Variants in NSD1 observed in about 807,000 individuals in gnomAD.
NSD1 encodes histone-lysine N-methyltransferase, H3 lysine-36 specific.
In NSD1, 26 loss-of-function variants were observed where a neutral mutation model predicts 242.7. That is an observed-to-expected ratio of 0.11 (90% CI 0.08 to 0.15). NSD1 has a LOEUF of 0.15. Among genes scored for constraint, NSD1 ranks in the 10% least tolerant of loss-of-function variants. The probability of loss-of-function intolerance (pLI) is 1.00; values close to 1 mark genes in which losing one functional copy is unlikely to be tolerated. For missense variants in NSD1, 2,495 were observed against 3,272.8 expected, an observed-to-expected ratio of 0.76 and a Z score of 5.80; for synonymous variants, 1,106 against 1,178.1, an observed-to-expected ratio of 0.94 and a Z score of 1.25.
Position 177,238,431 on chromosome 5 carries a change from C to G in NSD1, c.4116C>G (p.Thr1372=). 6.2e-7 allele frequency: 1 copy of G among 1,614,106 alleles called. No individual in the cohort carries two copies. Among genetic ancestry groups the G allele is most frequent in the Non-Finnish European group, 8.5e-7 (1 of 1,180,024 alleles). Residue 1372 remains threonine (T), a synonymous_variant, in exon 7 of 23, where the codon ACC becomes ACG. Transcript: ENST00000439151. The surrounding 1 kb of genome is among the most constrained non-coding windows in gnomAD (Gnocchi z 4.6). The part of the protein sequence containing the change: ...GGGHAELPQL[T]LSVPVAPEVS... ...GACATGCTGAGTTGCCGCAGCTGAC[C>G]TTGTCTGTGCCTGTGGCTCCGGAAG...
chr5:177,174,719 C>T (rs774962332), intron 2 of NSD1, among the ~76,000 whole-genome samples: 11 of 149,376 alleles, frequency 7.4e-5, no homozygotes, highest in South Asian at 2.1e-4. Context: ...CTACAACGCC[C>T]GGCTAATTTT....
chr5:177,203,066 A>T (rs1292023664), intron 3 of NSD1, among the ~76,000 whole-genome samples: 1 of 152,094 alleles, frequency 6.6e-6, no homozygotes, highest in Non-Finnish European at 1.5e-5. Flanking sequence ...GGCATTCCAT[A>T]ATTCTTCCAA....
intron 12 of NSD1, among the ~76,000 whole-genome samples, chr5:177,255,857 C>T (rs1460449322): frequency 1.3e-5 from 2 of 152,106 alleles, no homozygotes; most frequent in Non-Finnish European, 2.9e-5. Context: ...GTGCTGAGTA[C>T]ATTGCTTCTG....
At chr5:177,289,058 G>A in intron 21 of NSD1, 133 bp downstream of exon 21, 1 of 724,958 alleles carries the variant, frequency 1.4e-6, no homozygotes, top group Non-Finnish European at 2.4e-6. Flanking sequence ...GGTGGCTCAT[G>A]CCTGTAATCC....
chr5:177,242,218 G>A (rs1765927108), intron 8 of NSD1, among the ~76,000 whole-genome samples: 1 of 151,354 alleles, frequency 6.6e-6, no homozygotes, highest in Non-Finnish European at 1.5e-5. Flanking sequence ...CACAGCTTTT[G>A]GGTAACTGTT....
At chr5:177,262,451 CAAAA>C (rs1562272143) in intron 14 of NSD1, among the ~76,000 whole-genome samples, 1 of 151,872 alleles carries the variant, frequency 6.6e-6, no homozygotes, top group African/African-American at 2.4e-5. Context: ...CAAAACAAAA[CAAAA>C]AACAACCAAA....
intron 16 of NSD1, among the ~76,000 whole-genome samples, chr5:177,270,776 G>T (rs1757885105): frequency 6.6e-6 from 1 of 152,204 alleles, no homozygotes; most frequent in African/African-American, 2.4e-5. Flanking sequence ...TGGGAGTAAT[G>T]TCGATAGGGA....
At chr5:177,252,694 A>G (rs6898107) in intron 12 of NSD1, among the ~76,000 whole-genome samples, 116,804 of 150,782 alleles carry the variant, frequency 0.77, 46,373 homozygotes, top group Middle Eastern at 0.9. Context: ...TGGGACTGCA[A>G]CCACTTGCCA....
intron 3 of NSD1, among the ~76,000 whole-genome samples, chr5:177,193,424 G>A (rs1761858044): frequency 6.6e-6 from 1 of 152,080 alleles, no homozygotes; most frequent in African/African-American, 2.4e-5. Flanking sequence ...TTACAAGCGT[G>A]AGCCACCGTG....
At chr5:177,136,238 A>G (rs2079848169) in intron 2 of NSD1, 2 of 532,062 alleles carry the variant, frequency 3.8e-6, no homozygotes, top group Admixed American at 3.1e-5. Context: ...CTTTTTCCAA[A>G]TAACTCTTCA....
intron 14 of NSD1, among the ~76,000 whole-genome samples, chr5:177,260,800 C>T (rs188970947): frequency 0.019 from 2,871 of 151,750 alleles, 90 homozygotes; most frequent in African/African-American, 0.063. Flanking sequence ...AAAAAAAAAT[C>T]ATTGCTTAAT....
chr5:177,269,838 A>G lies in NSD1; in HGVS notation c.5509+31A>G, dbSNP rs770273533. The G allele has an allele frequency of 7.6e-6, 12 of 1,571,970 alleles. No homozygotes were observed. The highest frequency in any genetic ancestry group is 7.0e-6 in the Non-Finnish European group (8 of 1,147,674). On this transcript the variant is annotated intron_variant, in intron 16 of 22. Coordinates refer to ENST00000439151, the MANE Select transcript of NSD1 (RefSeq NM_022455.5). This position sits in a 1 kb window ranked among gnomAD's most constrained non-coding sequence, Gnocchi z 5.1. ...TTTATCCTTTTTGTTTCTCAGGCAA[A>G]CACAGACCTCTGTTACCTGAGTGTC...
chr5:177,258,784 C>T (rs1468144231), intron 13 of NSD1, among the ~76,000 whole-genome samples: 1 of 152,156 alleles, frequency 6.6e-6, no homozygotes, highest in Non-Finnish European at 1.5e-5. Context: ...GATCTGCCTG[C>T]CTCAGCCTCC....
Position 177,299,606 on chromosome 5 carries a change from A to G in NSD1, c.*4147A>G, listed in dbSNP as rs1048169951. The G allele has an allele frequency of 1.5e-4, 35 of 233,202 alleles. No individual in the cohort carries two copies. Among genetic ancestry groups the G allele is most frequent in the African/African-American group, 7.5e-4 (34 of 45,346 alleles). The allele number at this position is 233,202 out of a possible 1,614,324, so 14.4% of individuals were successfully genotyped here. On this transcript the variant is annotated 3_prime_UTR_variant, in exon 23 of 23. Transcript: ENST00000439151. ...GGGTAGTATTTTCTAAGGAAGTGGA[A>G]AGAATTAAACTAGAAATCCACAACC...
intron 8 of NSD1, among the ~76,000 whole-genome samples, chr5:177,240,605 C>G (rs573136952): frequency 6.6e-6 from 1 of 151,776 alleles, no homozygotes; most frequent in Non-Finnish European, 1.5e-5. Context: ...CCCAGCTACT[C>G]GGGAGGCTGA....
chr5:177,286,232 G>A (rs1759318362), intron 20 of NSD1, among the ~76,000 whole-genome samples: 1 of 152,156 alleles, frequency 6.6e-6, no homozygotes, highest in Non-Finnish European at 1.5e-5. Context: ...TAAATGTGTT[G>A]TCCAGGAGTC....
chr5:177,297,606 T>C lies in NSD1; in HGVS notation c.*2147T>C. 4.9e-6 allele frequency: 1 copy of C among 203,936 alleles called. No homozygotes were observed. The highest frequency in any genetic ancestry group is 9.6e-6 in the Non-Finnish European group (1 of 104,642). The allele number at this position is 203,936 out of a possible 1,614,324, so 12.6% of individuals were successfully genotyped here. A position where few individuals can be genotyped will look rare whatever the true frequency, so the allele number is the denominator to read the frequency against. On this transcript the variant is annotated 3_prime_UTR_variant, in exon 23 of 23. Coordinates refer to ENST00000439151, the MANE Select transcript of NSD1 (RefSeq NM_022455.5). ...GCACTGTCAGAGTCTCCTTTCACTA[T>C]GTTGTGTGTTAAATTACCGTAGCTC...
At chr5:177,203,350 G>T (rs1762640948) in intron 3 of NSD1, among the ~76,000 whole-genome samples, 1 of 151,564 alleles carries the variant, frequency 6.6e-6, no homozygotes, top group Non-Finnish European at 1.5e-5. Flanking sequence ...ATTTTTAATT[G>T]TATGTATAGA....
intron 2 of NSD1, among the ~76,000 whole-genome samples, chr5:177,179,074 G>GGTGT (rs569619962): frequency 5.0e-4 from 76 of 152,240 alleles, no homozygotes; most frequent in East Asian, 3.7e-3. Context: ...AGTGCATGGA[G>GGTGT]GTGTGATAGC....
Sources: allele counts gnomAD v4.1 joint callset (sites outside exome capture counted in the v4.1 genomes callset), GRCh38; gene constraint gnomAD v4.1.1; non-coding constraint Gnocchi (gnomAD v3.1); transcripts MANE v1.5; gene names NCBI Gene and HGNC (gene_info 2026-07-23, HGNC 2026-07-21).